The following CELF2 variants were observed in gnomAD, a reference collection of about 807,000 sequenced individuals.
CELF2 encodes the protein CUGBP Elav-like family member 2.
Under a neutral mutation model 62.6 loss-of-function variants are expected in CELF2, and 8 were observed. That is an observed-to-expected ratio of 0.13 (90% CI 0.07 to 0.23). The LOEUF (loss-of-function observed/expected upper bound fraction) is 0.23, where lower values mean the gene tolerates loss of function less well. Among genes scored for constraint, CELF2 ranks in the 10% least tolerant of loss-of-function variants. The pLI is 1.00. For synonymous variants in CELF2, 258 were observed against 250.0 expected, an observed-to-expected ratio of 1.03 and a Z score of -0.30; for missense variants, 333 against 671.0, an observed-to-expected ratio of 0.50 and a Z score of 5.56.
chr10:10,641,387 T>G, the CELF2 span, among the ~76,000 whole-genome samples: 1 of 152,194 alleles, frequency 6.6e-6, no homozygotes, highest in African/African-American at 2.4e-5. Flanking sequence ...TAGAATGTAC[T>G]AAGTATTGTT....
At chr10:11,292,652 G>A (rs2092676007) in intron 9 of CELF2, among the ~76,000 whole-genome samples, 2 of 151,976 alleles carry the variant, frequency 1.3e-5, no homozygotes, top group South Asian at 2.1e-4. Context: ...AGTGGGGCAG[G>A]AGAGAGGGAC....
chr10:10,496,000 T>G, the CELF2 span, among the ~76,000 whole-genome samples: 1 of 152,246 alleles, frequency 6.6e-6, no homozygotes, highest in Non-Finnish European at 1.5e-5. Flanking sequence ...GTAGTAGCAT[T>G]TTAGAGTCAG....
chr10:10,864,549 T>C (rs1316573839), intron 1 of CELF2, among the ~76,000 whole-genome samples: 1 of 152,102 alleles, frequency 6.6e-6, no homozygotes, highest in African/African-American at 2.4e-5. Flanking sequence ...AGGTGAGGGC[T>C]CTCTTTCTGG....
chr10:10,952,364 A>G (rs2048416572), intron 2 of CELF2: 1 of 152,206 alleles, frequency 6.6e-6, no homozygotes, highest in Admixed American at 6.5e-5. Context: ...ATTGGACCAA[A>G]CCCCAAAGAT....
chr10:11,157,634 G>T lies in CELF2; in HGVS notation c.75-7852G>T, dbSNP rs1390782413. 1.3e-5 allele frequency among the ~76,000 whole-genome samples: 2 copies of T among 152,142 alleles called. No individual in the cohort carries two copies. Among genetic ancestry groups the T allele is most frequent in the African/African-American group, 4.8e-5 (2 of 41,428 alleles). On this transcript the variant is annotated intron_variant, in intron 1 of 12. Transcript: ENST00000633077. This position sits in a 1 kb window ranked among gnomAD's most constrained non-coding sequence, Gnocchi z 4.9. ...AAGGACATAAATGACCTATTTTTCAGCTCTCTCACCTTCAAACCTACCACT... is the reference window on the plus strand; with the variant it reads ...AAGGACATAAATGACCTATTTTTCATCTCTCTCACCTTCAAACCTACCACT...
chr10:11,025,239 G>GTGTGTATATATATATA (rs61580670), intron 1 of CELF2, among the ~76,000 whole-genome samples: 2,825 of 141,024 alleles, frequency 0.02, 49 homozygotes, highest in South Asian at 0.053. Context: ...GTGTGTGTGT[G>GTGTGTATATATATATA]TATATGTATG....
intron 1 of CELF2, among the ~76,000 whole-genome samples, chr10:11,148,884 C>A (rs1198340668): frequency 7.3e-6 from 1 of 137,186 alleles, no homozygotes; most frequent in Non-Finnish European, 1.6e-5. Context: ...AAAGCAAGCC[C>A]AGTAGCCTGT....
chr10:10,963,688 AC>A (rs1335570161), intron 2 of CELF2, among the ~76,000 whole-genome samples: 1 of 152,164 alleles, frequency 6.6e-6, no homozygotes, highest in Non-Finnish European at 1.5e-5. Flanking sequence ...CAGCCTGTTA[AC>A]TGGATTTAGT....
chr10:10,770,288 C>T, the CELF2 span, among the ~76,000 whole-genome samples: 8 of 151,884 alleles, frequency 5.3e-5, no homozygotes, highest in Non-Finnish European at 1.0e-4. Flanking sequence ...GCCGAGGTCG[C>T]GCCACTGCAC....
At chr10:10,475,196 C>T in the CELF2 span, among the ~76,000 whole-genome samples, 18 of 151,982 alleles carry the variant, frequency 1.2e-4, no homozygotes, top group Non-Finnish European at 2.1e-4. Context: ...TTACCCTGTA[C>T]GTCTCTGATT....
chr10:11,124,096 T>C (rs1046784313), intron 1 of CELF2, among the ~76,000 whole-genome samples: 4 of 152,166 alleles, frequency 2.6e-5, no homozygotes, highest in Non-Finnish European at 5.9e-5. Flanking sequence ...ATGAGACTTA[T>C]TCACTATCAT....
At chr10:11,174,541 A>G (rs2070285746) in intron 2 of CELF2, among the ~76,000 whole-genome samples, 1 of 152,242 alleles carries the variant, frequency 6.6e-6, no homozygotes. Context: ...AGAATAAAGG[A>G]ATATAATTTC....
At chr10:10,953,131 A>G (rs1199589199) in intron 2 of CELF2, among the ~76,000 whole-genome samples, 1 of 152,228 alleles carries the variant, frequency 6.6e-6, no homozygotes, top group African/African-American at 2.4e-5. Flanking sequence ...TTAACAAGAC[A>G]CAAAATCTTT....
chr10:10,831,174 T>C (rs528954760), intron 1 of CELF2, among the ~76,000 whole-genome samples: 10 of 152,322 alleles, frequency 6.6e-5, no homozygotes, highest in African/African-American at 2.4e-4. Flanking sequence ...GATTTCCAAT[T>C]GCGCACTTCA....
chr10:10,853,701 G>A (rs915254959), intron 1 of CELF2, among the ~76,000 whole-genome samples: 2 of 151,986 alleles, frequency 1.3e-5, no homozygotes, highest in Admixed American at 1.3e-4. Flanking sequence ...GCCACATGGA[G>A]ATCTTGAGAG....
At chr10:11,286,206 A>C (rs1281808934) in intron 8 of CELF2, among the ~76,000 whole-genome samples, 1 of 152,208 alleles carries the variant, frequency 6.6e-6, no homozygotes, top group Non-Finnish European at 1.5e-5. Flanking sequence ...CAGGCCATCA[A>C]CACAGCTCCA....
rs1245940410 is a variant in CELF2 at position 11,223,635 on chromosome 10, T to C, written c.354+6128T>C. 6.6e-6 allele frequency among the ~76,000 whole-genome samples: 1 copy of C among 152,114 alleles called. No homozygotes were observed. On this transcript the variant is annotated intron_variant, in intron 3 of 12. Coordinates refer to ENST00000633077, the MANE Select transcript of CELF2 (RefSeq NM_001326342.2). This position sits in a 1 kb window ranked among gnomAD's most constrained non-coding sequence, Gnocchi z 5.1. ...TGTGACAGAGAGTAGCAGGGGGAGC[T>C]CCGGAGGAGTCCTTGAGGGTGCAGA... is the stretch of plus-strand genomic sequence containing the variant.
chr10:10,893,187 C>T (rs2062275221), intron 1 of CELF2, among the ~76,000 whole-genome samples: 1 of 152,150 alleles, frequency 6.6e-6, no homozygotes, highest in Non-Finnish European at 1.5e-5. Flanking sequence ...TCTTCTTTTG[C>T]AGAGGCAGGG....
intron 9 of CELF2, among the ~76,000 whole-genome samples, chr10:11,292,306 G>A (rs774381519): frequency 2.0e-5 from 3 of 152,146 alleles, no homozygotes; most frequent in Admixed American, 6.5e-5. Flanking sequence ...TTCCCTGCTC[G>A]CCTCACATAG....
Sources: gnomAD v4.1 joint callset for allele counts (sites outside exome capture counted in the v4.1 genomes callset) on GRCh38, gnomAD v4.1.1 for gene constraint, Gnocchi (gnomAD v3.1) non-coding constraint, MANE v1.5 for transcripts, NCBI Gene and HGNC (gene_info 2026-07-23, HGNC 2026-07-21) for gene names.